Variants in TRIO observed in about 807,000 individuals in gnomAD.
TRIO encodes trio Rho guanine nucleotide exchange factor.
TRIO carries 58 observed loss-of-function variants against 351.9 expected under a neutral mutation model. The observed-to-expected ratio is 0.16, with a 90% confidence interval of 0.13 to 0.21. TRIO has a LOEUF of 0.21. Ranked by LOEUF, TRIO falls within the 10% of genes least tolerant of loss-of-function variation. The pLI is 1.00. For missense variants in TRIO, 3,201 were observed against 4,027.8 expected, an observed-to-expected ratio of 0.79 and a Z score of 5.56; for synonymous variants, 1,758 against 1,595.7, an observed-to-expected ratio of 1.10 and a Z score of -2.42.
intron 31 of TRIO, among the ~76,000 whole-genome samples, chr5:14,405,192 A>G (rs1748595513): frequency 6.6e-6 from 1 of 151,590 alleles, no homozygotes; most frequent in African/African-American, 2.4e-5. Flanking sequence ...ATTTCTTGAG[A>G]GTTGTAATGG....
chr5:14,481,824 G>C (rs1255032992), intron 45 of TRIO: 5 of 481,806 alleles, frequency 1.0e-5, no homozygotes, highest in Non-Finnish European at 1.7e-5. Flanking sequence ...TTTGGGACTT[G>C]CCTGTGCTCA....
chr5:14,279,675 C>CT (rs1367543886), intron 2 of TRIO, among the ~76,000 whole-genome samples: 4 of 152,190 alleles, frequency 2.6e-5, no homozygotes, highest in African/African-American at 9.7e-5. Flanking sequence ...GTCACATACT[C>CT]TGAGATTTGT....
At chr5:14,352,033 C>T (rs544361715) in intron 11 of TRIO, among the ~76,000 whole-genome samples, 1 of 152,356 alleles carries the variant, frequency 6.6e-6, no homozygotes, top group African/African-American at 2.4e-5. Context: ...AGCTGTGGGG[C>T]CCATAGAGGC....
Position 14,507,114 on chromosome 5 carries a change from C to T in TRIO, c.8613-8C>T, listed in dbSNP as rs747216505. On this transcript the variant is annotated splice_region_variant and splice_polypyrimidine_tract_variant and intron_variant, in intron 55 of 56. Coordinates refer to ENST00000344204, the MANE Select transcript of TRIO (RefSeq NM_007118.4). The stretch of plus-strand genomic sequence containing the variant: ...CATCATAACAGTCACCCGCTCCTGC[C>T]TCTTTAGGGCTGACCAGGGTCGCCT... 3.2e-6 allele frequency: 5 copies of T among 1,568,996 alleles called. No individual in the cohort carries two copies. Among genetic ancestry groups the T allele is most frequent in the Non-Finnish European group, 3.4e-6 (4 of 1,160,530 alleles).
At chr5:14,275,894 ATGTGTTTATATATATGTCTATATG>A (rs1407181121) in intron 2 of TRIO, among the ~76,000 whole-genome samples, 3 of 145,692 alleles carry the variant, frequency 2.1e-5, no homozygotes, top group South Asian at 4.2e-4. Flanking sequence ...GTTTATATAT[ATGTGTTTATATATATGTCTATATG>A]TATGTTTATA....
intron 10 of TRIO, among the ~76,000 whole-genome samples, chr5:14,332,106 T>C (rs1405164925): frequency 1.3e-5 from 2 of 152,094 alleles, no homozygotes; most frequent in Non-Finnish European, 2.9e-5. Context: ...CATTAGTAAA[T>C]CTTTGGCATA....
At chr5:14,364,547 C>A (rs541220261) in intron 14 of TRIO, 103 bp from the exon 15 acceptor site, 1 of 1,414,034 alleles carries the variant, frequency 7.1e-7, no homozygotes, top group South Asian at 1.4e-5. Flanking sequence ...TGGCCCCCAG[C>A]TGGGCAGATC....
At chr5:14,469,714 C>T (rs1327789536) in intron 37 of TRIO, among the ~76,000 whole-genome samples, 5 of 152,214 alleles carry the variant, frequency 3.3e-5, no homozygotes, top group Non-Finnish European at 5.9e-5. Flanking sequence ...TGCACCCTCT[C>T]GGCAGCCCAT....
chr5:14,217,786 G>A (rs988091099), intron 1 of TRIO, among the ~76,000 whole-genome samples: 1 of 152,154 alleles, frequency 6.6e-6, no homozygotes. Context: ...TGTGATTGTC[G>A]CAGCACGTGT....
intron 38 of TRIO, 72 bp from the exon 39 acceptor site, chr5:14,472,520 A>G: frequency 6.5e-7 from 1 of 1,528,044 alleles, no homozygotes; most frequent in Non-Finnish European, 9.1e-7. Flanking sequence ...GTCCATCTTG[A>G]CCAGGAGCAA....
At chr5:14,338,630 C>A (rs1289632432) in intron 11 of TRIO, among the ~76,000 whole-genome samples, 1 of 152,174 alleles carries the variant, frequency 6.6e-6, no homozygotes, top group Non-Finnish European at 1.5e-5. Flanking sequence ...GAACATGGGC[C>A]AGGAGCACAG....
At chr5:14,422,192 C>A (rs949588470) in intron 34 of TRIO, among the ~76,000 whole-genome samples, 1 of 152,212 alleles carries the variant, frequency 6.6e-6, no homozygotes, top group Non-Finnish European at 1.5e-5. Flanking sequence ...GGTAAGACCC[C>A]CTCCAGTATC....
intron 9 of TRIO, among the ~76,000 whole-genome samples, chr5:14,323,400 A>G (rs1740065291): frequency 6.6e-6 from 1 of 152,144 alleles, no homozygotes; most frequent in Admixed American, 6.5e-5. Flanking sequence ...CTAAGCAAAG[A>G]GTAAAATCAA....
At chr5:14,370,507 T>C (rs1296164744) in intron 18 of TRIO, among the ~76,000 whole-genome samples, 2 of 152,292 alleles carry the variant, frequency 1.3e-5, no homozygotes, top group East Asian at 3.9e-4. Flanking sequence ...TGCTTCAGCG[T>C]TCTCACCTCT....
At chr5:14,272,360 A>G (rs748194491) in intron 2 of TRIO, among the ~76,000 whole-genome samples, 4 of 152,086 alleles carry the variant, frequency 2.6e-5, no homozygotes, top group Non-Finnish European at 5.9e-5. Flanking sequence ...TTCTTCTTTC[A>G]TTAGTACGTG....
chr5:14,301,918 C>A (rs1737933944), intron 7 of TRIO, among the ~76,000 whole-genome samples: 1 of 152,040 alleles, frequency 6.6e-6, no homozygotes. Flanking sequence ...TGTGCAAAAC[C>A]CTCTGTAAAA....
chr5:14,156,170 C>T (rs1788093691), intron 1 of TRIO, among the ~76,000 whole-genome samples: 2 of 152,136 alleles, frequency 1.3e-5, no homozygotes, highest in Admixed American at 6.5e-5. Flanking sequence ...TCTTTTGTGA[C>T]CTGTCTCCAT....
At chr5:14,302,579 G>T (rs1029170758) in intron 7 of TRIO, among the ~76,000 whole-genome samples, 1 of 152,206 alleles carries the variant, frequency 6.6e-6, no homozygotes, top group African/African-American at 2.4e-5. Context: ...GTATGAACTG[G>T]CTTCAAGCCG....
intron 34 of TRIO, among the ~76,000 whole-genome samples, chr5:14,434,943 T>G (rs1180876902): frequency 6.6e-6 from 1 of 152,232 alleles, no homozygotes; most frequent in Non-Finnish European, 1.5e-5. Flanking sequence ...AATAAAGCAG[T>G]GTTTTCTCTT....
Sources: allele counts gnomAD v4.1 joint callset (sites outside exome capture counted in the v4.1 genomes callset), GRCh38; gene constraint gnomAD v4.1.1; transcripts MANE v1.5; gene names NCBI Gene and HGNC (gene_info 2026-07-23, HGNC 2026-07-21).